Variants in ZNF385D observed in about 807,000 individuals in gnomAD.
The protein encoded by ZNF385D is zinc finger protein 659.
Under a neutral mutation model 35.8 loss-of-function variants are expected in ZNF385D, and 15 were observed. The ratio of observed to expected loss-of-function variants is 0.42; its 90% CI spans 0.28 to 0.64. ZNF385D has a LOEUF of 0.64. ZNF385D is among the 30% of genes least tolerant of loss of function. The pLI, the probability that ZNF385D is intolerant of heterozygous loss-of-function variation, is 0.23. For missense variants in ZNF385D, 474 were observed against 494.6 expected, an observed-to-expected ratio of 0.96 and a Z score of 0.39; for synonymous variants, 212 against 186.8, an observed-to-expected ratio of 1.13 and a Z score of -1.10.
chr3:21,943,310 A>G lies in ZNF385D; in HGVS notation c.325+225507T>C, dbSNP rs139357748. 8.1e-3 allele frequency among the ~76,000 whole-genome samples: 1,227 copies of G among 151,498 alleles called. 20 individuals are homozygous for G. The highest frequency in any genetic ancestry group is 0.028 in the African/African-American group (1,169 of 41,350). The stretch of plus-strand genomic sequence containing the variant: ...TGTGTGTATAGATGTGTGTGTGTGT[A>G]TATATATGTATATATATACATATAT... On this transcript the variant is annotated intron_variant, in intron 3 of 5. Transcript: ENST00000494108.
At chr3:22,349,252 A>T (rs1695805934) in intron 2 of ZNF385D, among the ~76,000 whole-genome samples, 1 of 152,170 alleles carries the variant, frequency 6.6e-6, no homozygotes, top group South Asian at 2.1e-4. Context: ...TTGGCTGAAT[A>T]GTAGCAGCAG....
chr3:21,900,680 A>T (rs79767780), intron 3 of ZNF385D, among the ~76,000 whole-genome samples: 1 of 152,220 alleles, frequency 6.6e-6, no homozygotes, highest in East Asian at 1.9e-4. Flanking sequence ...AAATAAAAAT[A>T]GTGGTATTAG....
chr3:21,756,786 C>G (rs1559590773), intron 3 of ZNF385D, among the ~76,000 whole-genome samples: 1 of 152,072 alleles, frequency 6.6e-6, no homozygotes, highest in Non-Finnish European at 1.5e-5. Context: ...CTGAGTTGGC[C>G]TATAGTATAC....
intron 2 of ZNF385D, among the ~76,000 whole-genome samples, chr3:22,248,318 G>A (rs1198781392): frequency 1.3e-5 from 2 of 152,158 alleles, no homozygotes; most frequent in Non-Finnish European, 2.9e-5. Context: ...CAAGCTTGAT[G>A]AAATTGAACT....
chr3:21,754,547 G>C (rs541976180), upstream of ZNF385D, among the ~76,000 whole-genome samples: 200 of 152,170 alleles, frequency 1.3e-3, 1 homozygote, highest in African/African-American at 4.7e-3. Context: ...CCGGGTAGCT[G>C]CCTGCCTTGA....
intron 3 of ZNF385D, among the ~76,000 whole-genome samples, chr3:21,829,927 C>T (rs1033317199): frequency 2.6e-5 from 4 of 151,948 alleles, no homozygotes; most frequent in Non-Finnish European, 4.4e-5. Flanking sequence ...AGTTCAAGAG[C>T]GGCCTGGCCA....
intron 3 of ZNF385D, among the ~76,000 whole-genome samples, chr3:21,809,640 A>C (rs559616350): frequency 7.2e-6 from 1 of 139,312 alleles, no homozygotes; most frequent in African/African-American, 2.5e-5. Flanking sequence ...ATATATACAC[A>C]TATACATATA....
chr3:21,886,989 T>G (rs1380671040), intron 3 of ZNF385D, among the ~76,000 whole-genome samples: 1 of 152,140 alleles, frequency 6.6e-6, no homozygotes, highest in Non-Finnish European at 1.5e-5. Context: ...ATTTAACATG[T>G]TCCTTTCCTT....
intron 3 of ZNF385D, among the ~76,000 whole-genome samples, chr3:22,070,717 C>A (rs1241142309): frequency 6.6e-6 from 1 of 151,954 alleles, no homozygotes; most frequent in African/African-American, 2.4e-5. Flanking sequence ...AATGTTGAAG[C>A]TTTATTAAGG....
intron 3 of ZNF385D, among the ~76,000 whole-genome samples, chr3:21,960,541 A>T (rs1702532268): frequency 6.6e-6 from 1 of 152,092 alleles, no homozygotes; most frequent in East Asian, 1.9e-4. Flanking sequence ...TTCTCAAAAA[A>T]CTAAAAATAA....
At chr3:21,789,355 GA>G (rs963841279) in intron 3 of ZNF385D, among the ~76,000 whole-genome samples, 5 of 152,146 alleles carry the variant, frequency 3.3e-5, no homozygotes, top group Admixed American at 2.0e-4. Context: ...AAATATATAG[GA>G]GAATTCAAAG....
At chr3:22,259,669 C>A (rs1326461519) in intron 2 of ZNF385D, among the ~76,000 whole-genome samples, 1 of 151,830 alleles carries the variant, frequency 6.6e-6, no homozygotes, top group African/African-American at 2.4e-5. Context: ...TTATAGGAAA[C>A]ATCCCAAGTA....
intron 2 of ZNF385D, among the ~76,000 whole-genome samples, chr3:22,277,350 G>A (rs147774217): frequency 5.9e-5 from 9 of 152,038 alleles, no homozygotes; most frequent in Admixed American, 2.0e-4. Context: ...AACCTGTACT[G>A]GTGAAGGAAT....
chr3:21,434,414 G>C (rs1284430768), intron 5 of ZNF385D, among the ~76,000 whole-genome samples: 2 of 152,154 alleles, frequency 1.3e-5, no homozygotes, highest in African/African-American at 4.8e-5. Flanking sequence ...TGGCAGAAGA[G>C]CAGGTATCTC....
At chr3:21,939,899 TG>T (rs1329640045) in intron 3 of ZNF385D, among the ~76,000 whole-genome samples, 2 of 152,166 alleles carry the variant, frequency 1.3e-5, no homozygotes, top group Non-Finnish European at 2.9e-5. Flanking sequence ...TAAACTCATT[TG>T]GCAAAAGGAA....
chr3:21,667,254 C>A (rs867104535), intron 1 of ZNF385D, among the ~76,000 whole-genome samples: 1 of 152,148 alleles, frequency 6.6e-6, no homozygotes, highest in Non-Finnish European at 1.5e-5. Context: ...CTCAACCTCC[C>A]GGGCTTAGCT....
At chr3:21,484,373 G>T (rs1427332651) in intron 4 of ZNF385D, among the ~76,000 whole-genome samples, 2 of 152,164 alleles carry the variant, frequency 1.3e-5, no homozygotes, top group African/African-American at 2.4e-5. Context: ...TAGTCTGTGG[G>T]CATTTCTGGA....
At chr3:21,688,216 G>T (rs756338151) in intron 1 of ZNF385D, among the ~76,000 whole-genome samples, 1 of 151,912 alleles carries the variant, frequency 6.6e-6, no homozygotes, top group Non-Finnish European at 1.5e-5. Flanking sequence ...GCTTGAAACC[G>T]CCTTTGTTCT....
chr3:21,811,432 T>C (rs2072917908), intron 3 of ZNF385D, among the ~76,000 whole-genome samples: 1 of 152,256 alleles, frequency 6.6e-6, no homozygotes, highest in East Asian at 1.9e-4. Flanking sequence ...TAGAAAGTTT[T>C]TCTACTTCCC....
Sources: allele counts gnomAD v4.1 joint callset (sites outside exome capture counted in the v4.1 genomes callset), GRCh38; gene constraint gnomAD v4.1.1; transcripts MANE v1.5; gene names NCBI Gene and HGNC (gene_info 2026-07-23, HGNC 2026-07-21).